CTSO: variants seen among roughly 807,000 people sequenced by gnomAD.
CTSO encodes the protein cathepsin O.
In CTSO, 40 loss-of-function variants were observed where a neutral mutation model predicts 42.4. That is an observed-to-expected ratio of 0.94 (90% CI 0.73 to 1.23). CTSO has a LOEUF of 1.23. CTSO is among the 50% of genes most tolerant of loss of function. The probability of loss-of-function intolerance (pLI) is 0.00; values close to 1 mark genes in which losing one functional copy is unlikely to be tolerated. For synonymous variants in CTSO, 156 were observed against 146.2 expected, an observed-to-expected ratio of 1.07 and a Z score of -0.48; for missense variants, 441 against 396.0, an observed-to-expected ratio of 1.11 and a Z score of -0.96.
Position 155,929,933 on chromosome 4 carries a change from A to G in CTSO, c.675-228T>C, listed in dbSNP as rs188872395. ...ATTGTCCTGCTATTCAAAGGTTTCC[A>G]TTTTCAGGGTCCATTCATGGTCCAA... is the stretch of plus-strand genomic sequence containing the variant. On this transcript the variant is annotated intron_variant, in intron 5 of 7. Coordinates refer to ENST00000433477, the MANE Select transcript of CTSO (RefSeq NM_001334.3). 1.1e-4 allele frequency among the ~76,000 whole-genome samples: 17 copies of G among 152,226 alleles called. No homozygotes were observed. The East Asian group carries it at 3.3e-3, about 29-fold the overall frequency.
Position 155,926,906 on chromosome 4 carries a change from C to G in CTSO, c.932-836G>C, listed in dbSNP as rs750738610. ...CCTGTAAGAGATTTGAAAGCAGTCACCCCTCAGCCCAAATCCAGGATCCAC... is the reference window on the plus strand; with the variant it reads ...CCTGTAAGAGATTTGAAAGCAGTCAGCCCTCAGCCCAAATCCAGGATCCAC... On this transcript the variant is annotated intron_variant, in intron 7 of 7. Coordinates refer to ENST00000433477, the MANE Select transcript of CTSO (RefSeq NM_001334.3). Among the ~76,000 whole-genome samples the G allele has an allele frequency of 2.0e-5, 3 of 152,160 alleles. No individual in the cohort carries two copies. The South Asian group carries it at 6.2e-4, about 32-fold the overall frequency.
At chr4:155,945,102 C>T (rs532049215) in intron 1 of CTSO, among the ~76,000 whole-genome samples, 3 of 151,418 alleles carry the variant, frequency 2.0e-5, no homozygotes, top group African/African-American at 7.3e-5. Flanking sequence ...ACTAAAAATA[C>T]AAAAATTAGC....
chr4:155,932,721 G>C (rs1338069142), intron 5 of CTSO, among the ~76,000 whole-genome samples: 1 of 152,122 alleles, frequency 6.6e-6, no homozygotes, highest in Non-Finnish European at 1.5e-5. Context: ...GACTAAGCAT[G>C]AGGTTAGCCA....
intron 1 of CTSO, among the ~76,000 whole-genome samples, chr4:155,949,677 C>T (rs1161008688): frequency 3.9e-5 from 6 of 152,144 alleles, no homozygotes; most frequent in South Asian, 2.1e-4. Context: ...GGAGTGCTTT[C>T]GTTTCTGGAA....
chr4:155,938,046 C>T (rs1030750103), intron 4 of CTSO, among the ~76,000 whole-genome samples: 2 of 152,138 alleles, frequency 1.3e-5, no homozygotes, highest in African/African-American at 4.8e-5. Context: ...TGTAGATCCT[C>T]CATGGATCTA....
chr4:155,947,628 A>T (rs1035465317), intron 1 of CTSO, among the ~76,000 whole-genome samples: 36 of 152,230 alleles, frequency 2.4e-4, no homozygotes, highest in African/African-American at 7.5e-4. Flanking sequence ...TTTAAAATTT[A>T]AAAAGCCCTG....
At position 155,924,475 on chromosome 4, in the gene CTSO, G is replaced by A. The variant is rs1560782111; in HGVS notation, c.*1561C>T. The A allele has an allele frequency of 6.6e-6, 1 of 152,038 alleles. No homozygotes were observed. Among genetic ancestry groups the A allele is most frequent in the Non-Finnish European group, 1.5e-5 (1 of 68,004 alleles). The allele number at this position is 152,038 out of a possible 1,614,324, so 9.4% of individuals were successfully genotyped here. On this transcript the variant is annotated 3_prime_UTR_variant, in exon 8 of 8. Coordinates refer to ENST00000433477, the MANE Select transcript of CTSO (RefSeq NM_001334.3). ...TTTTATTTTGTTTATCTAATCACAGGGAAGGATAAACAAAGGGCAAAAGTG... is the reference window on the plus strand; with the variant it reads ...TTTTATTTTGTTTATCTAATCACAGAGAAGGATAAACAAAGGGCAAAAGTG...
intron 5 of CTSO, among the ~76,000 whole-genome samples, chr4:155,934,472 G>A (rs28811882): frequency 0.38 from 57,641 of 152,020 alleles, 11,903 homozygotes; most frequent in East Asian, 0.69. Flanking sequence ...ACCCCAGAAT[G>A]GTAGATCCAC....
intron 5 of CTSO, among the ~76,000 whole-genome samples, chr4:155,936,596 T>C (rs1579342621): frequency 6.6e-6 from 1 of 152,296 alleles, no homozygotes; most frequent in Middle Eastern, 3.4e-3. Context: ...TGAACACCTA[T>C]TTTGCACTCT....
At chr4:155,947,017 GGC>G (rs1404513895) in intron 1 of CTSO, among the ~76,000 whole-genome samples, 10 of 152,056 alleles carry the variant, frequency 6.6e-5, no homozygotes, top group African/African-American at 2.2e-4. Flanking sequence ...CACAATGCCC[GGC>G]TAATTTTTTT....
At chr4:155,944,955 TAA>T (rs34358651) in intron 1 of CTSO, among the ~76,000 whole-genome samples, 39 of 117,572 alleles carry the variant, frequency 3.3e-4, no homozygotes, top group Middle Eastern at 4.8e-3. Context: ...TGTGATTGAT[TAA>T]AAAAAAAAAA....
intron 5 of CTSO, among the ~76,000 whole-genome samples, chr4:155,936,348 C>T (rs1470941621): frequency 1.3e-5 from 2 of 152,184 alleles, no homozygotes; most frequent in Non-Finnish European, 2.9e-5. Flanking sequence ...TAAACGGGTA[C>T]ATTTTGTTCA....
intron 4 of CTSO, among the ~76,000 whole-genome samples, chr4:155,939,066 G>C (rs971671636): frequency 6.6e-6 from 1 of 151,890 alleles, no homozygotes; most frequent in Non-Finnish European, 1.5e-5. Flanking sequence ...CATCTTTCCG[G>C]GATATTATGA....
At chr4:155,933,006 G>T (rs1743262455) in intron 5 of CTSO, among the ~76,000 whole-genome samples, 1 of 151,990 alleles carries the variant, frequency 6.6e-6, no homozygotes, top group Admixed American at 6.6e-5. Flanking sequence ...CTCTGTGAGG[G>T]GTATTAATCT....
chr4:155,934,056 G>C (rs186140425), intron 5 of CTSO, among the ~76,000 whole-genome samples: 1 of 152,266 alleles, frequency 6.6e-6, no homozygotes, highest in East Asian at 1.9e-4. Context: ...ACACCTTCAC[G>C]GCAGCCCCTC....
At chr4:155,939,261 G>T in intron 4 of CTSO, 110 bp downstream of exon 4, 4 of 921,292 alleles carry the variant, frequency 4.3e-6, no homozygotes, top group South Asian at 3.0e-5. Flanking sequence ...CTACATTTCC[G>T]AACGTGGAAA....
chr4:155,937,346 A>T lies in CTSO; in HGVS notation c.674+16T>A. 6.3e-7 allele frequency: 1 copy of T among 1,583,978 alleles called. No individual in the cohort carries two copies. Among genetic ancestry groups the T allele is most frequent in the East Asian group, 2.2e-5 (1 of 44,620 alleles). On this transcript the variant is annotated intron_variant, in intron 5 of 7. Transcript: ENST00000433477. The stretch of plus-strand genomic sequence containing the variant: ...AAAAATGTATAAAGAAAAACATAAT[A>T]CAATAAGATCTTTACCTGAAGTCAT...
intron 4 of CTSO, 126 bp from the exon 5 acceptor site, chr4:155,937,609 C>CTT: frequency 1.1e-5 from 9 of 821,186 alleles, no homozygotes; most frequent in Admixed American, 3.0e-5. Flanking sequence ...ACTTTGCGTT[C>CTT]TTTTTTTTTT....
At chr4:155,931,420 C>T (rs1021973242) in intron 5 of CTSO, among the ~76,000 whole-genome samples, 12 of 151,966 alleles carry the variant, frequency 7.9e-5, no homozygotes, top group Non-Finnish European at 7.4e-5. Flanking sequence ...ACTGACATTG[C>T]AGAATCAAAG....
Sources: gnomAD v4.1 joint callset for allele counts (sites outside exome capture counted in the v4.1 genomes callset) on GRCh38, gnomAD v4.1.1 for gene constraint, MANE v1.5 for transcripts, NCBI Gene and HGNC (gene_info 2026-07-23, HGNC 2026-07-21) for gene names.